The following SPTSSB variants were observed in gnomAD, a reference collection of about 807,000 sequenced individuals.
SPTSSB encodes serine palmitoyltransferase small subunit B, also known as androgen down regulated in mouse prostate.
Under a neutral mutation model 7.7 loss-of-function variants are expected in SPTSSB, and 6 were observed. That is an observed-to-expected ratio of 0.78 (90% CI 0.43 to 1.54). The LOEUF (loss-of-function observed/expected upper bound fraction) is 1.54, where lower values mean the gene tolerates loss of function less well. SPTSSB is among the 40% of genes most tolerant of loss of function. The pLI, the probability that SPTSSB is intolerant of heterozygous loss-of-function variation, is 0.01. For missense variants in SPTSSB, 91 were observed against 93.0 expected (o/e 0.98, Z 0.09); for synonymous variants, 28 against 29.7 (o/e 0.94, Z 0.19).
At chr3:161,369,310 CTTTCTCTTTCTTTCTT>C (rs1462392080) in intron 1 of SPTSSB, among the ~76,000 whole-genome samples, 11 of 39,448 alleles carry the variant, frequency 2.8e-4, no homozygotes, top group Non-Finnish European at 4.0e-4. Context: ...TTCTTTCTTT[CTTTCTCTTTCTTTCTT>C]TCTTTCTTTC....
In SPTSSB at chr3:161,345,481, A is replaced by G. The variant is rs1325490768; in HGVS notation, c.*612T>C. Reference sequence around the variant, plus strand: ...TCAACATTGTTGATTTTAAACGGTTATAAAGCCAGACTTTAAGAAGCATTT... The same window carrying G: ...TCAACATTGTTGATTTTAAACGGTTGTAAAGCCAGACTTTAAGAAGCATTT... On this transcript the variant is annotated 3_prime_UTR_variant, in exon 3 of 3. Coordinates refer to ENST00000620149, the MANE Select transcript of SPTSSB (RefSeq NM_001040100.2). 1 of 152,632 alleles carries G rather than the reference A, an allele frequency of 6.6e-6. No homozygotes were observed. Among genetic ancestry groups the G allele is most frequent in the Non-Finnish European group, 1.5e-5 (1 of 68,036 alleles). 9.5% of individuals were successfully genotyped at this position (152,632 alleles called of 1,614,324 possible).
At chr3:161,360,348 T>C (rs1026399707) in intron 1 of SPTSSB, among the ~76,000 whole-genome samples, 3 of 152,214 alleles carry the variant, frequency 2.0e-5, no homozygotes, top group African/African-American at 7.2e-5. Flanking sequence ...TCACTATCTA[T>C]AAAAAATTTG....
At chr3:161,368,177 C>A (rs1037462264) in intron 1 of SPTSSB, among the ~76,000 whole-genome samples, 2 of 152,168 alleles carry the variant, frequency 1.3e-5, no homozygotes, top group Admixed American at 6.5e-5. Flanking sequence ...GGTCAAATGG[C>A]ACATGCGGAT....
chr3:161,358,605 C>A (rs1425567959), intron 2 of SPTSSB, among the ~76,000 whole-genome samples: 2 of 152,140 alleles, frequency 1.3e-5, no homozygotes, highest in African/African-American at 4.8e-5. Context: ...TTATGACTAC[C>A]AGGCAAAGAA....
chr3:161,363,963 G>GA (rs11401196), intron 1 of SPTSSB, among the ~76,000 whole-genome samples: 73,757 of 149,782 alleles, frequency 0.49, 19,073 homozygotes, highest in East Asian at 0.88. Context: ...GATGGTACAT[G>GA]AAAAAAAAAA....
At chr3:161,352,366 A>G (rs1291220906) in intron 2 of SPTSSB, among the ~76,000 whole-genome samples, 1 of 152,174 alleles carries the variant, frequency 6.6e-6, no homozygotes, top group Non-Finnish European at 1.5e-5. Flanking sequence ...GCTATTGCTT[A>G]AAGAAGCTAT....
At chr3:161,354,134 A>G (rs1553803086) in intron 2 of SPTSSB, among the ~76,000 whole-genome samples, 1 of 152,238 alleles carries the variant, frequency 6.6e-6, no homozygotes, top group Non-Finnish European at 1.5e-5. Flanking sequence ...GATAAGAAAC[A>G]AACAATTGTA....
intron 1 of SPTSSB, among the ~76,000 whole-genome samples, chr3:161,368,723 GC>G (rs1715328969): frequency 6.6e-6 from 1 of 152,272 alleles, no homozygotes; most frequent in African/African-American, 2.4e-5. Flanking sequence ...ACCGCGCCCG[GC>G]CCCTAATCTT....
chr3:161,366,912 C>T (rs1212904019), intron 1 of SPTSSB, among the ~76,000 whole-genome samples: 6 of 152,172 alleles, frequency 3.9e-5, no homozygotes, highest in Non-Finnish European at 8.8e-5. Context: ...CAGTGGCTCA[C>T]GTCTATAATC....
chr3:161,357,223 A>G (rs1225823527), intron 2 of SPTSSB, among the ~76,000 whole-genome samples: 1 of 152,212 alleles, frequency 6.6e-6, no homozygotes, highest in African/African-American at 2.4e-5. Context: ...TTCAGTGAAA[A>G]CATGTTGCTT....
At chr3:161,355,159 T>G (rs1714712343) in intron 2 of SPTSSB, among the ~76,000 whole-genome samples, 1 of 152,232 alleles carries the variant, frequency 6.6e-6, no homozygotes, top group Non-Finnish European at 1.5e-5. Flanking sequence ...AAGGTTTAGC[T>G]ACAATGTCCT....
At chr3:161,368,659 C>G (rs904431118) in intron 1 of SPTSSB, among the ~76,000 whole-genome samples, 1 of 152,244 alleles carries the variant, frequency 6.6e-6, no homozygotes, top group South Asian at 2.1e-4. Context: ...ATCTCCTGAC[C>G]TCGTGATCCG....
intron 2 of SPTSSB, among the ~76,000 whole-genome samples, chr3:161,353,453 G>A (rs1714633323): frequency 6.6e-6 from 1 of 152,136 alleles, no homozygotes. Flanking sequence ...ACACACGTTT[G>A]TAGCCATGAT....
chr3:161,356,144 C>A (rs973660758), intron 2 of SPTSSB, among the ~76,000 whole-genome samples: 5 of 152,146 alleles, frequency 3.3e-5, no homozygotes, highest in Non-Finnish European at 7.4e-5. Context: ...CCCCAAGAAC[C>A]TTCTTGAGAT....
intron 2 of SPTSSB, among the ~76,000 whole-genome samples, chr3:161,357,598 G>T (rs1422392527): frequency 6.6e-6 from 1 of 152,208 alleles, no homozygotes; most frequent in African/African-American, 2.4e-5. Flanking sequence ...TCATGTCTTG[G>T]AAGCAGTGAA....
chr3:161,359,106 A>C (rs978289982), intron 2 of SPTSSB, among the ~76,000 whole-genome samples: 1 of 152,176 alleles, frequency 6.6e-6, no homozygotes, highest in Non-Finnish European at 1.5e-5. Context: ...AGTAGTATCT[A>C]GGTGTTTTTT....
At chr3:161,370,591 A>G (rs1715466596) in intron 1 of SPTSSB, among the ~76,000 whole-genome samples, 1 of 152,256 alleles carries the variant, frequency 6.6e-6, no homozygotes, top group Non-Finnish European at 1.5e-5. Flanking sequence ...TCTAATTCAA[A>G]ATAAGTACTG....
intron 2 of SPTSSB, among the ~76,000 whole-genome samples, chr3:161,350,571 TAA>T (rs1208735745): frequency 6.6e-6 from 1 of 152,072 alleles, no homozygotes; most frequent in Non-Finnish European, 1.5e-5. Flanking sequence ...TGAGAAGTGA[TAA>T]AAGTGTCCTG....
At chr3:161,361,356 G>T (rs747753535) in intron 1 of SPTSSB, among the ~76,000 whole-genome samples, 1 of 152,128 alleles carries the variant, frequency 6.6e-6, no homozygotes, top group Non-Finnish European at 1.5e-5. Context: ...GTGTTGCTAT[G>T]CATCAGGAGG....
Sources: allele counts gnomAD v4.1 joint callset (sites outside exome capture counted in the v4.1 genomes callset), GRCh38; gene constraint gnomAD v4.1.1; transcripts MANE v1.5; gene names NCBI Gene and HGNC (gene_info 2026-07-23, HGNC 2026-07-21).